The following MSANTD5 variants were observed in gnomAD, a reference collection of about 807,000 sequenced individuals.
MSANTD5 encodes uncharacterized protein MSANTD5.
At chr5:178,705,418 A>G in the MSANTD5 span, among the ~76,000 whole-genome samples, 1 of 152,106 alleles carries the variant, frequency 6.6e-6, no homozygotes, top group Non-Finnish European at 1.5e-5. Flanking sequence ...GCTCAGGCAC[A>G]TCCTCTGCTC....
At chr5:178,699,526 C>T (rs1018743292), upstream of MSANTD5, among the ~76,000 whole-genome samples, 3 of 151,982 alleles carry the variant, frequency 2.0e-5, no homozygotes, top group African/African-American at 4.8e-5. Flanking sequence ...ATTCTCCTGC[C>T]TCAGCCTCCC....
Sources: gnomAD v4.1 joint callset for allele counts (sites outside exome capture counted in the v4.1 genomes callset) on GRCh38, gnomAD v4.1.1 for gene constraint, MANE v1.5 for transcripts, NCBI Gene and HGNC (gene_info 2026-07-23, HGNC 2026-07-21) for gene names.